The following NTM variants were observed in gnomAD, a reference collection of about 807,000 sequenced individuals.
NTM encodes the protein neurotrimin, also known as IgLON family member 2.
NTM carries 13 observed loss-of-function variants against 42.1 expected under a neutral mutation model. The observed-to-expected ratio is 0.31, with a 90% confidence interval of 0.20 to 0.49. The LOEUF (loss-of-function observed/expected upper bound fraction) is 0.49, where lower values mean the gene tolerates loss of function less well. Ranked by LOEUF, NTM falls within the 20% of genes least tolerant of loss-of-function variation. The pLI is 0.99. For synonymous variants in NTM, 187 were observed against 179.2 expected (o/e 1.04, Z -0.35); for missense variants, 373 against 452.8 (o/e 0.82, Z 1.60).
intron 1 of NTM, among the ~76,000 whole-genome samples, chr11:131,720,345 G>A (rs1351194165): frequency 6.6e-6 from 1 of 152,150 alleles, no homozygotes; most frequent in Admixed American, 6.5e-5. Flanking sequence ...TGATTATGCT[G>A]CCTAGAGAAT....
intron 2 of NTM, among the ~76,000 whole-genome samples, chr11:132,025,597 C>G (rs2075053798): frequency 6.6e-6 from 1 of 152,132 alleles, no homozygotes; most frequent in Non-Finnish European, 1.5e-5. Flanking sequence ...AGCCACTGTC[C>G]TAGACCGGCA....
intron 1 of NTM, among the ~76,000 whole-genome samples, chr11:131,803,876 A>G (rs1462829467): frequency 6.6e-6 from 1 of 151,992 alleles, no homozygotes; most frequent in African/African-American, 2.4e-5. Context: ...TTCTTTTTAT[A>G]CATTCTTTTC....
chr11:132,203,223 A>G (rs1427734153), intron 3 of NTM, among the ~76,000 whole-genome samples: 1 of 152,184 alleles, frequency 6.6e-6, no homozygotes, highest in East Asian at 1.9e-4. Context: ...GTCCAAACCA[A>G]AACAGCCCCC....
chr11:131,969,681 T>G (rs2063285069), intron 2 of NTM, among the ~76,000 whole-genome samples: 1 of 152,232 alleles, frequency 6.6e-6, no homozygotes, highest in South Asian at 2.1e-4. Flanking sequence ...GTTCTCTTAT[T>G]ATGTCTAATT....
chr11:131,850,262 C>CT (rs1001039342), intron 1 of NTM, among the ~76,000 whole-genome samples: 36 of 152,238 alleles, frequency 2.4e-4, no homozygotes, highest in Middle Eastern at 6.8e-3. Flanking sequence ...AGGATATTCA[C>CT]TTAGGGCATT....
intron 1 of NTM, among the ~76,000 whole-genome samples, chr11:131,818,388 A>G (rs77116808): frequency 0.025 from 3,849 of 152,280 alleles, 154 homozygotes; most frequent in African/African-American, 0.086. Flanking sequence ...CAACAGGTGC[A>G]AACTTATTCT....
At chr11:131,817,653 G>T (rs1020343467) in intron 1 of NTM, among the ~76,000 whole-genome samples, 1 of 152,356 alleles carries the variant, frequency 6.6e-6, no homozygotes, top group East Asian at 1.9e-4. Flanking sequence ...ATATACAAAG[G>T]TTTTCCTGGG....
At chr11:131,669,821 G>A (rs574813319) in intron 1 of NTM, among the ~76,000 whole-genome samples, 39 of 152,314 alleles carry the variant, frequency 2.6e-4, no homozygotes, top group African/African-American at 8.4e-4. Flanking sequence ...CTGCAGCTCC[G>A]TGGTAATAAA....
intron 2 of NTM, among the ~76,000 whole-genome samples, chr11:132,120,837 CT>C (rs1361182292): frequency 6.6e-6 from 1 of 152,106 alleles, no homozygotes; most frequent in Non-Finnish European, 1.5e-5. Context: ...CCCAAGGTGC[CT>C]CTTGGTAGAG....
chr11:131,602,075 A>G lies in NTM; in HGVS notation c.82+231187A>G, dbSNP rs78070769. On this transcript the variant is annotated intron_variant, in intron 1 of 8. Transcript: ENST00000683400. ...TAAATATCTCTCTAGTTTATTTTTT[A>G]GGCCAGTTTATTAATTAAAAGTACT... 6.7e-3 allele frequency among the ~76,000 whole-genome samples: 1,018 copies of G among 152,310 alleles called. 30 individuals are homozygous for G. Among genetic ancestry groups the G allele is most frequent in the East Asian group, 0.058 (298 of 5,182 alleles).
At chr11:131,779,438 ATCTT>A (rs1236553919) in intron 1 of NTM, among the ~76,000 whole-genome samples, 2 of 152,226 alleles carry the variant, frequency 1.3e-5, no homozygotes, top group African/African-American at 4.8e-5. Context: ...ATTTCATTGT[ATCTT>A]TATTCCTTCT....
chr11:132,298,442 G>A (rs1430609019), intron 4 of NTM, among the ~76,000 whole-genome samples: 8 of 152,004 alleles, frequency 5.3e-5, no homozygotes, highest in South Asian at 4.2e-4. Flanking sequence ...ATATCATCAC[G>A]CGTAATAGAG....
At chr11:132,242,502 C>G (rs1475689683) in intron 4 of NTM, among the ~76,000 whole-genome samples, 1 of 152,198 alleles carries the variant, frequency 6.6e-6, no homozygotes, top group African/African-American at 2.4e-5. Context: ...TTGGGCGTCT[C>G]GCTAGTTTTT....
At chr11:131,909,734 A>T (rs1306561885) in intron 1 of NTM, 1 of 152,398 alleles carries the variant, frequency 6.6e-6, no homozygotes, top group Non-Finnish European at 1.5e-5. Flanking sequence ...AAATAATAAT[A>T]CAGGCACAGG....
chr11:131,450,913 T>G (rs1412331431), intron 1 of NTM, among the ~76,000 whole-genome samples: 1 of 152,162 alleles, frequency 6.6e-6, no homozygotes, highest in African/African-American at 2.4e-5. Context: ...ATAAACCTTT[T>G]TTTTTCTCCA....
intron 1 of NTM, among the ~76,000 whole-genome samples, chr11:131,528,594 A>G (rs187300717): frequency 6.6e-6 from 1 of 152,298 alleles, no homozygotes; most frequent in Admixed American, 6.5e-5. Flanking sequence ...TGTTGAATGA[A>G]TGTTGTGTTA....
chr11:131,749,608 T>C (rs1024801188), intron 1 of NTM, among the ~76,000 whole-genome samples: 1 of 152,128 alleles, frequency 6.6e-6, no homozygotes, highest in African/African-American at 2.4e-5. Flanking sequence ...TTTTCTTTTG[T>C]TTTGTTTGAC....
intron 2 of NTM, among the ~76,000 whole-genome samples, chr11:132,034,894 T>C (rs2076331761): frequency 6.6e-6 from 1 of 152,208 alleles, no homozygotes; most frequent in African/African-American, 2.4e-5. Flanking sequence ...GGGCAGATGA[T>C]ATACATTCAT....
intron 1 of NTM, among the ~76,000 whole-genome samples, chr11:131,884,453 A>G (rs1041962244): frequency 6.6e-6 from 1 of 152,152 alleles, no homozygotes; most frequent in African/African-American, 2.4e-5. Flanking sequence ...CAACACTAAA[A>G]AGTTAGAAGG....
Sources: allele counts gnomAD v4.1 joint callset (sites outside exome capture counted in the v4.1 genomes callset), GRCh38; gene constraint gnomAD v4.1.1; transcripts MANE v1.5; gene names NCBI Gene and HGNC (gene_info 2026-07-23, HGNC 2026-07-21).